DOCK7: variants seen among roughly 807,000 people sequenced by gnomAD.
DOCK7 encodes the protein dedicator of cytokinesis protein 7.
A neutral mutation model predicts 271.0 loss-of-function variants in DOCK7; 138 were observed. The ratio of observed to expected loss-of-function variants is 0.51; its 90% CI spans 0.44 to 0.59. The LOEUF is 0.59. Ranked by LOEUF, DOCK7 falls within the 20% of genes least tolerant of loss-of-function variation. The pLI, the probability that DOCK7 is intolerant of heterozygous loss-of-function variation, is 0.00. For synonymous variants in DOCK7, 823 were observed against 876.1 expected, an observed-to-expected ratio of 0.94 and a Z score of 1.07; for missense variants, 2,066 against 2,592.4, an observed-to-expected ratio of 0.80 and a Z score of 4.41.
chr1:62,593,489 GA>G (rs1429157702), intron 14 of DOCK7, among the ~76,000 whole-genome samples: 1 of 152,076 alleles, frequency 6.6e-6, no homozygotes, highest in Non-Finnish European at 1.5e-5. Context: ...AGAATCGCTT[GA>G]ACCCAGGAGG....
At chr1:62,564,614 T>C (rs569651680) in intron 18 of DOCK7, among the ~76,000 whole-genome samples, 3 of 152,064 alleles carry the variant, frequency 2.0e-5, no homozygotes, top group Non-Finnish European at 4.4e-5. Context: ...GATCTAAAAT[T>C]GACACCCTAA....
chr1:62,676,099 A>G (rs535763038), intron 1 of DOCK7, among the ~76,000 whole-genome samples: 1 of 152,378 alleles, frequency 6.6e-6, no homozygotes, highest in Admixed American at 6.5e-5. Flanking sequence ...TCCTATTGGC[A>G]CTATTCACAA....
chr1:62,630,148 A>T (rs1654441133), intron 11 of DOCK7, among the ~76,000 whole-genome samples: 1 of 152,184 alleles, frequency 6.6e-6, no homozygotes, highest in Non-Finnish European at 1.5e-5. Context: ...TTGAAGACTC[A>T]TTCCTTATCT....
At chr1:62,539,425 A>T in intron 27 of DOCK7, 120 bp downstream of exon 27, 1 of 781,168 alleles carries the variant, frequency 1.3e-6, no homozygotes, top group Non-Finnish European at 2.0e-6. Flanking sequence ...TACTTTGGCT[A>T]CTTTTTGTTT....
chr1:62,563,809 T>C (rs1444706508), intron 18 of DOCK7, among the ~76,000 whole-genome samples: 1 of 130,040 alleles, frequency 7.7e-6, no homozygotes, highest in East Asian at 2.5e-4. Context: ...ACCCACCTCA[T>C]GGCCAAAGGC....
Position 62,543,736 on chromosome 1 carries a change from G to A in DOCK7, c.2869C>T (p.Arg957Ter). 3.1e-6 allele frequency: 5 copies of A among 1,593,302 alleles called. No homozygotes were observed. In the South Asian group the frequency reaches 3.4e-5, roughly 11 times the overall value. ...PSAESTQAMD[R>*]SCNRMSSHTE... ...TGCGAAGACATACGATTACAACTTC[G>A]ATCCATAGCCTATGGAGTGAAGATG... Residue 957 changes from arginine (R) to a stop codon, truncating the protein, a stop_gained, in exon 24 of 50, where the codon CGA becomes TGA. Transcript: ENST00000635253. LOFTEE classifies it high-confidence loss of function.
At chr1:62,614,089 C>T (rs1326532742) in intron 14 of DOCK7, among the ~76,000 whole-genome samples, 1 of 151,942 alleles carries the variant, frequency 6.6e-6, no homozygotes, top group Non-Finnish European at 1.5e-5. Context: ...TATGTATTAT[C>T]ACAAATTATG....
intron 35 of DOCK7, among the ~76,000 whole-genome samples, chr1:62,507,596 G>A (rs1452407134): frequency 1.3e-5 from 2 of 152,212 alleles, no homozygotes; most frequent in African/African-American, 4.8e-5. Flanking sequence ...AAACATTGCT[G>A]TGGTATACAG....
In DOCK7 at chr1:62,625,972, A is replaced by G. The variant is rs556233402; in HGVS notation, c.1283-571T>C. Among the ~76,000 whole-genome samples, 3 of 152,290 alleles carry G rather than the reference A, an allele frequency of 2.0e-5. No homozygotes were observed. The East Asian group carries it at 5.8e-4, about 29-fold the overall frequency. On this transcript the variant is annotated intron_variant, in intron 11 of 49. Coordinates refer to ENST00000635253, the MANE Select transcript of DOCK7 (RefSeq NM_001367561.1). ...TCAAGCACTTAGAAAATATTCTCTA[A>G]AACAGTCTATATACTAAGCCATAAA...
At position 62,535,531 on chromosome 1, in the gene DOCK7, T is replaced by C. The variant is rs1261151829; in HGVS notation, c.3573A>G (p.Leu1191=). ...RQQHYLAGLV[L]TELAVILDPD... ...GGTCTAAAATGACAGCCAGCTCTGT[T>C]AACACAAGTCCTGCCAAATAATGCT... The change falls in exon 29 of 50, where the codon TTA becomes TTG. Residue 1191 remains leucine, a synonymous_variant. Coordinates refer to ENST00000635253, the MANE Select transcript of DOCK7 (RefSeq NM_001367561.1). The C allele has an allele frequency of 4.3e-6, 7 of 1,613,938 alleles. No homozygotes were observed. The highest frequency in any genetic ancestry group is 5.9e-6 in the Non-Finnish European group (7 of 1,179,984).
At chr1:62,579,838 A>G (rs1647060191) in intron 16 of DOCK7, among the ~76,000 whole-genome samples, 1 of 152,070 alleles carries the variant, frequency 6.6e-6, no homozygotes, top group African/African-American at 2.4e-5. Context: ...AAAAAAAACC[A>G]GTAAAATCAG....
Position 62,618,755 on chromosome 1 carries a change from T to G in DOCK7, c.1633A>C (p.Ile545Leu). ...PDSRVRPTRE[I>L]LEFPARDVYV... is the part of the protein sequence containing the mutation. ...ACATCCCTTGCGGGAAACTCTAAGATTTCTCTGGTAGGTCTAACTCTACTG... is the reference window on the plus strand; with the variant it reads ...ACATCCCTTGCGGGAAACTCTAAGAGTTCTCTGGTAGGTCTAACTCTACTG... Residue 545 changes from isoleucine to leucine, a missense_variant, in exon 14 of 50, where the codon ATC becomes CTC. Ile to Leu is a conservative substitution (Grantham distance 5). This residue lies in a region of DOCK7 where 1,414 missense variants were observed against 1,670.4 expected (regional missense o/e 0.85). Coordinates refer to ENST00000635253, the MANE Select transcript of DOCK7 (RefSeq NM_001367561.1). 1 of 1,613,874 alleles carries G rather than the reference T, an allele frequency of 6.2e-7. No homozygotes were observed. Among genetic ancestry groups the G allele is most frequent in the African/African-American group, 1.3e-5 (1 of 75,056 alleles).
intron 42 of DOCK7, 71 bp from the exon 43 acceptor site, chr1:62,487,483 AC>A: frequency 7.5e-7 from 1 of 1,336,476 alleles, no homozygotes; most frequent in Non-Finnish European, 1.1e-6. Context: ...GGCCAAAGGC[AC>A]CATATACCAT....
chr1:62,545,120 G>C, intron 22 of DOCK7, 81 bp from the exon 23 acceptor site: 1 of 1,297,440 alleles, frequency 7.7e-7, no homozygotes, highest in Non-Finnish European at 1.1e-6. Flanking sequence ...AAGAAATTCA[G>C]ATCTTCTAAT....
intron 28 of DOCK7, among the ~76,000 whole-genome samples, chr1:62,537,188 G>A (rs1645372173): frequency 6.6e-6 from 1 of 152,172 alleles, no homozygotes. Flanking sequence ...TCTGCTTCAA[G>A]AGAACTCAAT....
chr1:62,622,884 T>TCCACTGCA (rs1653456243), intron 12 of DOCK7, among the ~76,000 whole-genome samples: 1 of 152,054 alleles, frequency 6.6e-6, no homozygotes, highest in Admixed American at 6.6e-5. Flanking sequence ...GAGCCGAGAC[T>TCCACTGCA]GTGCCACTGC....
chr1:62,577,436 G>C lies in DOCK7; in HGVS notation c.2011-73C>G. ...AAAATAATTACTTAGCATGTTTTAAGAACTTGGTACAAGCCAAATTTGTCC... is the reference window on the plus strand; with the variant it reads ...AAAATAATTACTTAGCATGTTTTAACAACTTGGTACAAGCCAAATTTGTCC... On this transcript the variant is annotated intron_variant, in intron 17 of 49. Transcript: ENST00000635253. 3.3e-6 allele frequency: 4 copies of C among 1,199,086 alleles called. 1 individual carries two copies. The highest frequency in any genetic ancestry group is 4.5e-6 in the Non-Finnish European group (4 of 881,614). 74.3% of individuals were successfully genotyped at this position (1,199,086 alleles called of 1,614,324 possible).
intron 42 of DOCK7, 143 bp from the exon 43 acceptor site, chr1:62,487,555 A>C: frequency 3.1e-6 from 2 of 653,050 alleles, no homozygotes; most frequent in Non-Finnish European, 5.1e-6. Flanking sequence ...CATTTACTTA[A>C]GACCTGCAAT....
chr1:62,528,093 A>G (rs1645067178), intron 31 of DOCK7, 58 bp downstream of exon 31: 2 of 1,546,004 alleles, frequency 1.3e-6, no homozygotes, highest in South Asian at 2.5e-5. Context: ...TTAAGGGCAT[A>G]TCCTAGTAAA....
Sources: allele counts gnomAD v4.1 joint callset (sites outside exome capture counted in the v4.1 genomes callset), GRCh38; gene constraint gnomAD v4.1.1; regional missense constraint gnomAD v4.1.1; transcripts MANE v1.5; gene names NCBI Gene and HGNC (gene_info 2026-07-23, HGNC 2026-07-21).